RPGRIP1L: variants seen among roughly 807,000 people sequenced by gnomAD.
The protein encoded by RPGRIP1L is protein fantom.
A neutral mutation model predicts 160.4 loss-of-function variants in RPGRIP1L; 131 were observed. That is an observed-to-expected ratio of 0.82 (90% CI 0.71 to 0.94). The LOEUF (loss-of-function observed/expected upper bound fraction) is 0.94, where lower values mean the gene tolerates loss of function less well. Among genes scored for constraint, RPGRIP1L ranks in the 40% least tolerant of loss-of-function variants. The probability of loss-of-function intolerance (pLI) is 0.00; values close to 1 mark genes in which losing one functional copy is unlikely to be tolerated. For synonymous variants in RPGRIP1L, 510 were observed against 515.8 expected (o/e 0.99, Z 0.15); for missense variants, 1,522 against 1,535.8 (o/e 0.99, Z 0.15).
Position 53,599,211 on chromosome 16 carries a change from G to C in RPGRIP1L, c.*2865C>G. The stretch of plus-strand genomic sequence containing the variant: ...GAAATTATTTGTGTTTTGTGGTAAC[G>C]AATGAATGGCAGGAACAGCAGAATT... On this transcript the variant is annotated 3_prime_UTR_variant, in exon 27 of 27. Coordinates refer to ENST00000647211, the MANE Select transcript of RPGRIP1L (RefSeq NM_015272.5). 6.6e-6 allele frequency: 1 copy of C among 152,138 alleles called. No individual in the cohort carries two copies. The highest frequency in any genetic ancestry group is 1.9e-4 in the East Asian group (1 of 5,194). The allele number at this position is 152,138 out of a possible 1,614,324, so 9.4% of individuals were successfully genotyped here. A position where few individuals can be genotyped will look rare whatever the true frequency, so the allele number is the denominator to read the frequency against.
chr16:53,665,060 G>T, intron 9 of RPGRIP1L, 51 bp from the exon 10 acceptor site: 1 of 1,608,140 alleles, frequency 6.2e-7, no homozygotes, highest in Non-Finnish European at 8.5e-7. Context: ...AGCTTCAACC[G>T]AAAATAATAA....
Position 53,610,995 on chromosome 16 carries a change from G to C in RPGRIP1L, c.3673C>G (p.Leu1225Val). ...KAKRDILKAI[L>V]QKQEMPNRSL... ...CTATTAGGCATCTCTTGTTTTTGTA[G>C]TATAGCTTTTAAGATGTCTCTCTTT... Residue 1225 changes from leucine to valine, a missense_variant, in exon 25 of 27, where the codon CTA becomes GTA. Transcript: ENST00000647211. 2 of 1,612,502 alleles carry C rather than the reference G, an allele frequency of 1.2e-6. No individual in the cohort carries two copies. The highest frequency in any genetic ancestry group is 4.5e-5 in the East Asian group (2 of 44,860).
chr16:53,623,787 G>A (rs72803632), intron 22 of RPGRIP1L, among the ~76,000 whole-genome samples: 4,796 of 152,262 alleles, frequency 0.031, 160 homozygotes, highest in East Asian at 0.14. Context: ...AGGAGGGCAG[G>A]ACCAATATCT....
chr16:53,695,099 T>G (rs891805976), intron 3 of RPGRIP1L: 1 of 471,512 alleles, frequency 2.1e-6, no homozygotes, highest in Non-Finnish European at 3.7e-6. Context: ...TTTTATTTTC[T>G]GGCTATGACA....
chr16:53,698,668 G>C (rs1421558780), intron 2 of RPGRIP1L, among the ~76,000 whole-genome samples: 1 of 126,344 alleles, frequency 7.9e-6, no homozygotes, highest in Non-Finnish European at 1.7e-5. Context: ...GGAGGGAGGT[G>C]GGGGGGTCAG....
chr16:53,613,445 G>C (rs1395708913), intron 24 of RPGRIP1L, among the ~76,000 whole-genome samples: 2 of 151,830 alleles, frequency 1.3e-5, no homozygotes, highest in East Asian at 1.9e-4. Context: ...GCCTCCCCCT[G>C]GTAGCTGGGA....
At chr16:53,698,840 T>C (rs1453194478) in intron 2 of RPGRIP1L, among the ~76,000 whole-genome samples, 1 of 145,866 alleles carries the variant, frequency 6.9e-6, no homozygotes, top group Non-Finnish European at 1.5e-5. Flanking sequence ...CCGCCCCTAC[T>C]GGGAAGTGAG....
At chr16:53,640,762 G>C (rs1395474670) in intron 19 of RPGRIP1L, among the ~76,000 whole-genome samples, 1 of 151,884 alleles carries the variant, frequency 6.6e-6, no homozygotes, top group African/African-American at 2.4e-5. Flanking sequence ...ACAGAATTTA[G>C]ACAATTTTTT....
chr16:53,652,711 GA>G lies in RPGRIP1L; in HGVS notation c.1975del (p.Ser659LeufsTer40), dbSNP rs778448266. On this transcript the variant is annotated frameshift_variant, in exon 15 of 27. Transcript: ENST00000647211. LOFTEE classifies it high-confidence loss of function. Reference sequence around the variant, plus strand: ...GTCATTAACATGAACAAGATATTGAGAAGTGAAGTTATATTCGGGATGAAGG... The same window carrying G: ...GTCATTAACATGAACAAGATATTGAGAGTGAAGTTATATTCGGGATGAAGG... ...RGLHPEYNFT[S>X]QYLVHVNDLF... is the part of the protein sequence containing the mutation. 6.2e-7 allele frequency: 1 copy of G among 1,614,164 alleles called. No homozygotes were observed. The highest frequency in any genetic ancestry group is 8.5e-7 in the Non-Finnish European group (1 of 1,180,014).
At chr16:53,689,887 C>T (rs1970271495) in intron 4 of RPGRIP1L, among the ~76,000 whole-genome samples, 1 of 152,144 alleles carries the variant, frequency 6.6e-6, no homozygotes, top group Admixed American at 6.5e-5. Context: ...CAAGAGAGTA[C>T]AAATGTAAGG....
At chr16:53,657,685 T>G (rs1343850434) in intron 12 of RPGRIP1L, 53 bp from the exon 13 acceptor site, 1 of 1,034,246 alleles carries the variant, frequency 9.7e-7, no homozygotes, top group Admixed American at 2.2e-5. Flanking sequence ...AAGATGTGAT[T>G]TTATGAATTA....
At chr16:53,677,638 G>A (rs562154780) in intron 6 of RPGRIP1L, among the ~76,000 whole-genome samples, 1 of 152,216 alleles carries the variant, frequency 6.6e-6, no homozygotes, top group East Asian at 1.9e-4. Context: ...AGAATAATGG[G>A]AGGAAGTAAG....
intron 25 of RPGRIP1L, among the ~76,000 whole-genome samples, chr16:53,609,907 A>T (rs1417727342): frequency 6.6e-6 from 1 of 152,184 alleles, no homozygotes; most frequent in East Asian, 1.9e-4. Flanking sequence ...CAAACAGAAG[A>T]TAAAATGCTA....
chr16:53,648,968 T>A lies in RPGRIP1L; in HGVS notation c.2300A>T (p.Gln767Leu). Residue 767 changes from glutamine to leucine, a missense_variant, in exon 16 of 27, where the codon CAG becomes CTG. Coordinates refer to ENST00000647211, the MANE Select transcript of RPGRIP1L (RefSeq NM_015272.5). The part of the protein sequence containing the change: ...TSNFKGPEHM[Q>L]SLSQQAPKTA... ...CTTAAAGCCAAATGAGCTTACCGAC[T>A]GCATATGCTCTGGCCCCTTAAAATT... The A allele has an allele frequency of 6.2e-7, 1 of 1,613,820 alleles. No homozygotes were observed. The highest frequency in any genetic ancestry group is 8.5e-7 in the Non-Finnish European group (1 of 1,179,718).
At chr16:53,624,278 C>T (rs959821636) in intron 22 of RPGRIP1L, among the ~76,000 whole-genome samples, 34 of 152,154 alleles carry the variant, frequency 2.2e-4, no homozygotes, top group African/African-American at 7.7e-4. Flanking sequence ...TATGGCTGGG[C>T]GCACTGGCTC....
intron 4 of RPGRIP1L, among the ~76,000 whole-genome samples, chr16:53,691,361 T>C (rs1970371918): frequency 1.3e-5 from 2 of 152,210 alleles, no homozygotes; most frequent in Admixed American, 1.3e-4. Context: ...AATATTTATG[T>C]TCTATATTGA....
chr16:53,645,596 A>G (rs756229492), intron 17 of RPGRIP1L, 29 bp downstream of exon 17: 139 of 1,603,192 alleles, frequency 8.7e-5, no homozygotes, highest in Non-Finnish European at 1.1e-4. Context: ...TGTTTTTACA[A>G]TTTTATAGAT....
intron 25 of RPGRIP1L, among the ~76,000 whole-genome samples, chr16:53,608,167 T>A (rs937962155): frequency 1.3e-5 from 2 of 152,184 alleles, no homozygotes; most frequent in Non-Finnish European, 2.9e-5. Context: ...CATCTCTCTA[T>A]ACTCCTTCAT....
chr16:53,687,323 A>G (rs775078025), intron 5 of RPGRIP1L, among the ~76,000 whole-genome samples: 1 of 152,148 alleles, frequency 6.6e-6, no homozygotes, highest in Non-Finnish European at 1.5e-5. Flanking sequence ...AGACACTGAA[A>G]CCATGAGGCT....
Sources: gnomAD v4.1 joint callset for allele counts (sites outside exome capture counted in the v4.1 genomes callset) on GRCh38, gnomAD v4.1.1 for gene constraint, MANE v1.5 for transcripts, NCBI Gene and HGNC (gene_info 2026-07-23, HGNC 2026-07-21) for gene names.